HS3ST4: variants seen among roughly 807,000 people sequenced by gnomAD.
HS3ST4 encodes the protein heparan sulfate glucosamine 3-O-sulfotransferase 4.
Under a neutral mutation model 29.2 loss-of-function variants are expected in HS3ST4, and 17 were observed. That is an observed-to-expected ratio of 0.58 (90% CI 0.40 to 0.87). The LOEUF is 0.87. Ranked by LOEUF, HS3ST4 falls within the 40% of genes least tolerant of loss-of-function variation. The pLI is 0.00. For synonymous variants in HS3ST4, 314 were observed against 285.7 expected, an observed-to-expected ratio of 1.10 and a Z score of -1.00; for missense variants, 627 against 634.5, an observed-to-expected ratio of 0.99 and a Z score of 0.13.
Position 25,692,711 on chromosome 16 carries a change from C to T in HS3ST4, c.294C>T (p.Pro98=), listed in dbSNP as rs867389122. The part of the protein sequence containing the change: ...PVRLGAPSQP[P]APPPLDNASH... ...GCCTCGGCGCCCCCTCGCAGCCGCCCGCGCCGCCGCCGCTGGACAACGCGA... is the reference window on the plus strand; with the variant it reads ...GCCTCGGCGCCCCCTCGCAGCCGCCTGCGCCGCCGCCGCTGGACAACGCGA... The change falls in exon 1 of 2, where the codon CCC becomes CCT. Residue 98 remains proline, a synonymous_variant. Coordinates refer to ENST00000331351, the MANE Select transcript of HS3ST4 (RefSeq NM_006040.3). 1 of 1,231,616 alleles carries T rather than the reference C, an allele frequency of 8.1e-7. No homozygotes were observed. Among genetic ancestry groups the T allele is most frequent in the Non-Finnish European group, 1.0e-6 (1 of 989,420 alleles). The allele number at this position is 1,231,616 out of a possible 1,614,324, so 76.3% of individuals were successfully genotyped here.
intron 1 of HS3ST4, among the ~76,000 whole-genome samples, chr16:25,754,594 C>G (rs1007188223): frequency 2.1e-4 from 32 of 152,106 alleles, no homozygotes; most frequent in African/African-American, 7.7e-4. Flanking sequence ...CTGGGGAAGT[C>G]TCAGGAAACT....
At chr16:25,773,785 T>C (rs1966845018) in intron 1 of HS3ST4, among the ~76,000 whole-genome samples, 1 of 152,230 alleles carries the variant, frequency 6.6e-6, no homozygotes, top group Non-Finnish European at 1.5e-5. Context: ...AATTTTTCAT[T>C]CTTCACCCCC....
chr16:26,044,219 T>C (rs1026435430), intron 1 of HS3ST4, among the ~76,000 whole-genome samples: 4 of 152,186 alleles, frequency 2.6e-5, no homozygotes, highest in East Asian at 1.9e-4. Context: ...AATTTCTCCA[T>C]TGACAAATCT....
intron 1 of HS3ST4, among the ~76,000 whole-genome samples, chr16:25,924,453 G>A (rs1016482736): frequency 1.2e-4 from 18 of 152,150 alleles, no homozygotes; most frequent in African/African-American, 3.4e-4. Context: ...AGTTATAGCT[G>A]TGCTAGAAAT....
At chr16:25,696,768 C>T (rs568605840) in intron 1 of HS3ST4, among the ~76,000 whole-genome samples, 2 of 152,318 alleles carry the variant, frequency 1.3e-5, no homozygotes, top group Admixed American at 6.5e-5. Context: ...GGTCAGTGCT[C>T]AGCAGCATAT....
intron 1 of HS3ST4, among the ~76,000 whole-genome samples, chr16:26,060,559 A>G (rs1898463271): frequency 1.3e-5 from 2 of 152,304 alleles, no homozygotes; most frequent in Non-Finnish European, 2.9e-5. Flanking sequence ...GACATTGGTC[A>G]TCAATCTTTG....
intron 1 of HS3ST4, among the ~76,000 whole-genome samples, chr16:26,114,933 C>T (rs890911440): frequency 2.0e-5 from 3 of 152,110 alleles, no homozygotes; most frequent in Non-Finnish European, 4.4e-5. Context: ...AAGTCGCTCA[C>T]TTTGGTCTTA....
intron 1 of HS3ST4, among the ~76,000 whole-genome samples, chr16:25,794,707 G>C (rs916662893): frequency 1.3e-5 from 2 of 151,690 alleles, no homozygotes; most frequent in African/African-American, 4.8e-5. Flanking sequence ...TTATCTATGA[G>C]GTATTTAGGT....
At chr16:25,956,997 C>CA (rs11382105) in intron 1 of HS3ST4, among the ~76,000 whole-genome samples, 35,180 of 77,646 alleles carry the variant, frequency 0.45, 8,548 homozygotes, top group Non-Finnish European at 0.53. Flanking sequence ...GACTCCGTCT[C>CA]AAAAAAAAAA....
At chr16:25,969,144 A>G (rs1034031895) in intron 1 of HS3ST4, among the ~76,000 whole-genome samples, 1 of 152,202 alleles carries the variant, frequency 6.6e-6, no homozygotes, top group Non-Finnish European at 1.5e-5. Context: ...TGTCACTACT[A>G]GTGATAGCTA....
intron 1 of HS3ST4, among the ~76,000 whole-genome samples, chr16:26,092,574 A>C (rs762297789): frequency 6.6e-6 from 1 of 152,182 alleles, no homozygotes; most frequent in African/African-American, 2.4e-5. Flanking sequence ...TGTTTATTGA[A>C]TGCATGAGCA....
intron 1 of HS3ST4, among the ~76,000 whole-genome samples, chr16:26,120,803 A>G (rs1899265622): frequency 6.6e-6 from 1 of 152,248 alleles, no homozygotes; most frequent in Admixed American, 6.5e-5. Context: ...AGAAACACAT[A>G]CAAATTATTT....
intron 1 of HS3ST4, among the ~76,000 whole-genome samples, chr16:25,857,981 G>GTCTT (rs5816328): frequency 0.82 from 109,556 of 133,920 alleles, 44,150 homozygotes; most frequent in East Asian, 0.9. Context: ...TCTCTTTTCT[G>GTCTT]TCTTTCTTTT....
chr16:26,029,100 A>T (rs1007505263), intron 1 of HS3ST4: 7 of 152,248 alleles, frequency 4.6e-5, no homozygotes, highest in Non-Finnish European at 7.3e-5. Context: ...ATCCTGACAC[A>T]GTCATTCATG....
chr16:26,094,335 A>C (rs927715548), intron 1 of HS3ST4, among the ~76,000 whole-genome samples: 3 of 152,236 alleles, frequency 2.0e-5, no homozygotes, highest in East Asian at 1.9e-4. Context: ...GGTTGAAATG[A>C]AGGAAAAAAT....
intron 1 of HS3ST4, among the ~76,000 whole-genome samples, chr16:25,745,080 CATTGGCCAGGACTTAGTCAT>C (rs1966677570): frequency 6.6e-6 from 1 of 152,104 alleles, no homozygotes; most frequent in Non-Finnish European, 1.5e-5. Flanking sequence ...AAACGATTCT[CATTGGCCAGGACTTAGTCAT>C]ATTGGCCAGG....
Position 25,864,339 on chromosome 16 carries a change from A to G in HS3ST4, c.734+171188A>G, listed in dbSNP as rs572426954. 3.6e-5 allele frequency among the ~76,000 whole-genome samples: 4 copies of G among 110,026 alleles called. No individual in the cohort carries two copies. In the South Asian group the frequency reaches 1.0e-3, roughly 28 times the overall value. The allele number at this position is 110,026 out of a possible 152,430, so 72.2% of individuals were successfully genotyped here. On this transcript the variant is annotated intron_variant, in intron 1 of 1. Coordinates refer to ENST00000331351, the MANE Select transcript of HS3ST4 (RefSeq NM_006040.3). ...AACATTTAAGATCTATACTTTTAACAACTTTTAAGTGTGCAAAGCATCATT... is the reference window on the plus strand; with the variant it reads ...AACATTTAAGATCTATACTTTTAACGACTTTTAAGTGTGCAAAGCATCATT...
rs145223232 is a variant in HS3ST4, at chr16:25,742,254, G to T, written c.734+49103G>T. Among the ~76,000 whole-genome samples the T allele has an allele frequency of 9.2e-5, 14 of 152,224 alleles. No homozygotes were observed. The East Asian group carries it at 2.7e-3, about 29-fold the overall frequency. Reference sequence around the variant, plus strand: ...TTTATGGACAAGCCCTCTTCACATAGTCCCAGAAATGGTACGCAGAAGCTC... The same window carrying T: ...TTTATGGACAAGCCCTCTTCACATATTCCCAGAAATGGTACGCAGAAGCTC... On this transcript the variant is annotated intron_variant, in intron 1 of 1. Transcript: ENST00000331351.
chr16:25,967,499 T>G (rs1281984437), intron 1 of HS3ST4, among the ~76,000 whole-genome samples: 2 of 152,140 alleles, frequency 1.3e-5, no homozygotes, highest in Admixed American at 1.3e-4. Flanking sequence ...TTGCTTTTTA[T>G]TTTATAAATC....
Sources: allele counts gnomAD v4.1 joint callset (sites outside exome capture counted in the v4.1 genomes callset), GRCh38; gene constraint gnomAD v4.1.1; transcripts MANE v1.5; gene names NCBI Gene and HGNC (gene_info 2026-07-23, HGNC 2026-07-21).